PTPN4: variants seen among roughly 807,000 people sequenced by gnomAD.
PTPN4 encodes protein tyrosine phosphatase non-receptor type 4.
PTPN4 carries 49 observed loss-of-function variants against 135.5 expected under a neutral mutation model. That is an observed-to-expected ratio of 0.36 (90% CI 0.29 to 0.46). The LOEUF is 0.46. Among genes scored for constraint, PTPN4 ranks in the 20% least tolerant of loss-of-function variants. The pLI, the probability that PTPN4 is intolerant of heterozygous loss-of-function variation, is 1.00. For missense variants in PTPN4, 860 were observed against 1,101.0 expected (o/e 0.78, Z 3.10); for synonymous variants, 333 against 369.9 (o/e 0.90, Z 1.14).
intron 2 of PTPN4, among the ~76,000 whole-genome samples, chr2:119,823,184 A>G (rs1336295793): frequency 6.6e-6 from 1 of 151,858 alleles, no homozygotes. Flanking sequence ...TCCTTATTTC[A>G]AGGAAAGCTC....
At chr2:119,782,155 G>C (rs556262762) in intron 1 of PTPN4, among the ~76,000 whole-genome samples, 1 of 152,122 alleles carries the variant, frequency 6.6e-6, no homozygotes, top group African/African-American at 2.4e-5. Flanking sequence ...GGTGGCTCAC[G>C]CCTGTAATCC....
chr2:119,854,961 C>T (rs1677653836), intron 2 of PTPN4, among the ~76,000 whole-genome samples: 1 of 152,090 alleles, frequency 6.6e-6, no homozygotes, highest in Non-Finnish European at 1.5e-5. Context: ...CACCTAAGGC[C>T]TGTCTATTTT....
Position 119,945,264 on chromosome 2 carries a change from T to A in PTPN4, c.1515+24T>A, listed in dbSNP as rs367838146. 3.4e-6 allele frequency: 5 copies of A among 1,491,308 alleles called. No homozygotes were observed. The African/African-American group carries it at 4.4e-5, about 13-fold the overall frequency. The allele number at this position is 1,491,308 out of a possible 1,614,324, so 92.4% of individuals were successfully genotyped here. ...CTGTAAGTAGCTTCTTCAGATATTC[T>A]CATTTTTATTTGAATTTTTAAAATC... On this transcript the variant is annotated intron_variant, in intron 16 of 26. Coordinates refer to ENST00000263708, the MANE Select transcript of PTPN4 (RefSeq NM_002830.4).
In PTPN4 at chr2:119,980,749, C is replaced by T. The variant is rs1458817840; in HGVS notation, c.*3679C>T. Reference sequence around the variant, plus strand: ...TAAGAAGTGATTCTAATTAGGACCCCCACTCAGTTTGCTAGTCATGCCTGC... The same window carrying T: ...TAAGAAGTGATTCTAATTAGGACCCTCACTCAGTTTGCTAGTCATGCCTGC... On this transcript the variant is annotated 3_prime_UTR_variant, in exon 27 of 27. Transcript: ENST00000263708. 3.3e-5 allele frequency: 5 copies of T among 151,828 alleles called. No homozygotes were observed. The highest frequency in any genetic ancestry group is 2.1e-4 in the South Asian group (1 of 4,796). 9.4% of individuals were successfully genotyped at this position (151,828 alleles called of 1,614,324 possible).
intron 26 of PTPN4, among the ~76,000 whole-genome samples, chr2:119,972,141 T>A (rs1391122361): frequency 6.7e-6 from 1 of 148,546 alleles, no homozygotes; most frequent in Non-Finnish European, 1.5e-5. Flanking sequence ...CATTTTCATA[T>A]GAATTTTGAA....
chr2:119,777,225 C>T (rs1445462689), intron 1 of PTPN4, among the ~76,000 whole-genome samples: 2 of 152,126 alleles, frequency 1.3e-5, no homozygotes, highest in African/African-American at 4.8e-5. Flanking sequence ...CCTTGAACAC[C>T]CACCTTTCTC....
intron 2 of PTPN4, among the ~76,000 whole-genome samples, chr2:119,846,943 T>C (rs544793052): frequency 6.6e-6 from 1 of 151,446 alleles, no homozygotes; most frequent in East Asian, 1.9e-4. Flanking sequence ...AACCCAAAAA[T>C]ATATTCTGTA....
intron 1 of PTPN4, among the ~76,000 whole-genome samples, chr2:119,762,212 T>C (rs1690519666): frequency 6.6e-6 from 1 of 152,042 alleles, no homozygotes; most frequent in East Asian, 1.9e-4. Flanking sequence ...TGAAGGACTT[T>C]TAAAAAAAGT....
rs147339102 is a variant in PTPN4, at chr2:119,939,963, G to A, written c.1355+5005G>A. 1.4e-3 allele frequency among the ~76,000 whole-genome samples: 207 copies of A among 152,286 alleles called. 1 individual carries two copies. The highest frequency in any genetic ancestry group is 3.9e-3 in the Admixed American group (60 of 15,296). On this transcript the variant is annotated intron_variant, in intron 15 of 26. Coordinates refer to ENST00000263708, the MANE Select transcript of PTPN4 (RefSeq NM_002830.4). ...CATATTAGATGCTGTTGTATTCATG[G>A]CTTCAAGACTAATTACAGGTCCCCG...
intron 22 of PTPN4, among the ~76,000 whole-genome samples, chr2:119,959,243 T>TC (rs1188436955): frequency 6.7e-6 from 1 of 149,986 alleles, no homozygotes; most frequent in East Asian, 1.9e-4. Context: ...GATAAGGCCT[T>TC]TTTTTTTTTG....
chr2:119,817,296 C>A (rs1677002034), intron 2 of PTPN4, among the ~76,000 whole-genome samples: 1 of 150,732 alleles, frequency 6.6e-6, no homozygotes, highest in African/African-American at 2.4e-5. Context: ...GTTATGCCAG[C>A]ACCATTTATT....
intron 22 of PTPN4, among the ~76,000 whole-genome samples, chr2:119,957,365 G>A (rs1679303581): frequency 6.6e-6 from 1 of 152,154 alleles, no homozygotes; most frequent in Non-Finnish European, 1.5e-5. Flanking sequence ...GTGAATGGGT[G>A]GTTGGGTCAA....
intron 18 of PTPN4, among the ~76,000 whole-genome samples, chr2:119,947,961 G>A (rs1216774415): frequency 6.6e-6 from 1 of 151,964 alleles, no homozygotes; most frequent in African/African-American, 2.4e-5. Context: ...AAACTCCTGG[G>A]ATGTAAACCC....
chr2:119,769,242 TGAA>T, intron 1 of PTPN4, among the ~76,000 whole-genome samples: 1 of 152,320 alleles, frequency 6.6e-6, no homozygotes, highest in South Asian at 2.1e-4. Context: ...AGGAATTTCA[TGAA>T]GCTGCCATGT....
intron 1 of PTPN4, among the ~76,000 whole-genome samples, chr2:119,776,328 A>G (rs1487581119): frequency 3.3e-5 from 5 of 152,094 alleles, no homozygotes; most frequent in Non-Finnish European, 5.9e-5. Flanking sequence ...GGCGCCTGCC[A>G]CCACGCCCGG....
intron 26 of PTPN4, among the ~76,000 whole-genome samples, chr2:119,972,788 CT>C (rs1331625243): frequency 6.6e-6 from 1 of 152,018 alleles, no homozygotes; most frequent in Non-Finnish European, 1.5e-5. Context: ...TTGTTAAGTG[CT>C]TTTCCTGCAT....
chr2:119,889,458 T>C (rs1264377971), intron 9 of PTPN4, among the ~76,000 whole-genome samples: 1 of 152,214 alleles, frequency 6.6e-6, no homozygotes, highest in Non-Finnish European at 1.5e-5. Flanking sequence ...TTCGTATTTC[T>C]GTAGTATCAG....
chr2:119,857,582 A>G (rs138883327), intron 2 of PTPN4, among the ~76,000 whole-genome samples: 1,776 of 151,818 alleles, frequency 0.012, 30 homozygotes, highest in African/African-American at 0.038. Flanking sequence ...ACTAAAAGAA[A>G]AAAAAAAAAA....
At chr2:119,886,447 G>A (rs1018801987) in intron 9 of PTPN4, among the ~76,000 whole-genome samples, 2 of 152,094 alleles carry the variant, frequency 1.3e-5, no homozygotes, top group Non-Finnish European at 2.9e-5. Context: ...TGAAAAACTG[G>A]TAACCTCCTG....
Sources: allele counts gnomAD v4.1 joint callset (sites outside exome capture counted in the v4.1 genomes callset), GRCh38; gene constraint gnomAD v4.1.1; transcripts MANE v1.5; gene names NCBI Gene and HGNC (gene_info 2026-07-23, HGNC 2026-07-21).